Variants in PPP2R5E observed in about 807,000 individuals in gnomAD.
The protein encoded by PPP2R5E is protein phosphatase 2 regulatory subunit B'epsilon, also known as serine/threonine-protein phosphatase 2A 56 kDa regulatory subunit epsilon isoform.
A neutral mutation model predicts 65.3 loss-of-function variants in PPP2R5E; 4 were observed. The ratio of observed to expected loss-of-function variants is 0.06; its 90% CI spans 0.03 to 0.14. The LOEUF is 0.14. Among genes scored for constraint, PPP2R5E ranks in the 10% least tolerant of loss-of-function variants. The pLI, the probability that PPP2R5E is intolerant of heterozygous loss-of-function variation, is 1.00. For synonymous variants in PPP2R5E, 183 were observed against 187.4 expected, an observed-to-expected ratio of 0.98 and a Z score of 0.19; for missense variants, 274 against 556.1, an observed-to-expected ratio of 0.49 and a Z score of 5.10.
At chr14:63,468,622 T>C (rs7144120) in intron 2 of PPP2R5E, among the ~76,000 whole-genome samples, 45,653 of 152,086 alleles carry the variant, frequency 0.3, 8,559 homozygotes, top group African/African-American at 0.53. Context: ...AAAACAAGGA[T>C]ACCACTTGGG....
intron 2 of PPP2R5E, among the ~76,000 whole-genome samples, chr14:63,462,865 G>A (rs1464585845): frequency 6.6e-6 from 1 of 151,944 alleles, no homozygotes; most frequent in Non-Finnish European, 1.5e-5. Flanking sequence ...CACTTTGGGA[G>A]GCCGAGGTGG....
chr14:63,414,328 G>A (rs1886569000), intron 5 of PPP2R5E, among the ~76,000 whole-genome samples: 1 of 152,000 alleles, frequency 6.6e-6, no homozygotes, highest in African/African-American at 2.4e-5. Context: ...CTTTTGCCCA[G>A]GCTAGATCAA....
At chr14:63,402,072 G>T (rs886915370) in intron 5 of PPP2R5E, among the ~76,000 whole-genome samples, 3 of 145,800 alleles carry the variant, frequency 2.1e-5, no homozygotes, top group Admixed American at 1.3e-4. Context: ...CATCATACAC[G>T]TTAAGTAAAG....
chr14:63,416,458 T>C (rs894116502), intron 4 of PPP2R5E, among the ~76,000 whole-genome samples: 4 of 152,144 alleles, frequency 2.6e-5, no homozygotes, highest in Admixed American at 1.3e-4. Context: ...AATGTGAAAA[T>C]ACACACATAA....
At chr14:63,470,977 C>G (rs898722065) in intron 2 of PPP2R5E, among the ~76,000 whole-genome samples, 4 of 152,102 alleles carry the variant, frequency 2.6e-5, no homozygotes. Flanking sequence ...ATTTTTTACC[C>G]CACCCTGAAG....
At chr14:63,530,772 G>A (rs991146736) in intron 2 of PPP2R5E, among the ~76,000 whole-genome samples, 3 of 149,254 alleles carry the variant, frequency 2.0e-5, no homozygotes, top group Non-Finnish European at 4.4e-5. Flanking sequence ...GCATCACCAC[G>A]CCTGACTAAT....
At chr14:63,399,094 T>C (rs186481126) in intron 5 of PPP2R5E, among the ~76,000 whole-genome samples, 2 of 152,148 alleles carry the variant, frequency 1.3e-5, no homozygotes, top group Non-Finnish European at 2.9e-5. Flanking sequence ...ATATTCATAA[T>C]AGCTAAAAAC....
intron 3 of PPP2R5E, among the ~76,000 whole-genome samples, chr14:63,443,956 A>C (rs1888356233): frequency 6.6e-6 from 1 of 152,146 alleles, no homozygotes; most frequent in South Asian, 2.1e-4. Context: ...TCTCCAATAA[A>C]ACAGTCTCCT....
chr14:63,463,570 T>C (rs1057381612), intron 2 of PPP2R5E, among the ~76,000 whole-genome samples: 1 of 151,932 alleles, frequency 6.6e-6, no homozygotes, highest in Non-Finnish European at 1.5e-5. Flanking sequence ...TAATGCCTTA[T>C]TTTAACAACT....
Position 63,373,597 on chromosome 14 carries a change from C to T in PPP2R5E, c.*2412G>A, listed in dbSNP as rs1883813036. Reference sequence around the variant, plus strand: ...TTCTATAAATATGTCTAAAATGTGGCTTTATTCTTCTCAGTTTGGAATGAT... The same window carrying T: ...TTCTATAAATATGTCTAAAATGTGGTTTTATTCTTCTCAGTTTGGAATGAT... On this transcript the variant is annotated 3_prime_UTR_variant, in exon 14 of 14. Coordinates refer to ENST00000337537, the MANE Select transcript of PPP2R5E (RefSeq NM_006246.5). The T allele has an allele frequency of 6.6e-6, 1 of 152,156 alleles. No homozygotes were observed. The highest frequency in any genetic ancestry group is 2.1e-4 in the South Asian group (1 of 4,830). 9.4% of individuals were successfully genotyped at this position (152,156 alleles called of 1,614,324 possible). A position where few individuals can be genotyped will look rare whatever the true frequency, so the allele number is the denominator to read the frequency against.
intron 2 of PPP2R5E, among the ~76,000 whole-genome samples, chr14:63,520,617 T>C (rs1016766704): frequency 7.9e-5 from 12 of 152,102 alleles, no homozygotes; most frequent in African/African-American, 2.9e-4. Flanking sequence ...CATAGCCCAC[T>C]GTAACAATCA....
rs1449177574 is a variant in PPP2R5E, at chr14:63,375,046, A to C, written c.*963T>G. On this transcript the variant is annotated 3_prime_UTR_variant, in exon 14 of 14. Coordinates refer to ENST00000337537, the MANE Select transcript of PPP2R5E (RefSeq NM_006246.5). The stretch of plus-strand genomic sequence containing the variant: ...TATTAAAAAGTAAGGCAACAACTCC[A>C]AACAGTCCAAGCTGTTTGCTCAACT... The C allele has an allele frequency of 6.6e-6, 1 of 152,562 alleles. No homozygotes were observed. Among genetic ancestry groups the C allele is most frequent in the Non-Finnish European group, 1.5e-5 (1 of 67,992 alleles). 9.5% of individuals were successfully genotyped at this position (152,562 alleles called of 1,614,324 possible).
At chr14:63,521,955 C>T (rs1358485579) in intron 2 of PPP2R5E, among the ~76,000 whole-genome samples, 1 of 131,432 alleles carries the variant, frequency 7.6e-6, no homozygotes, top group Non-Finnish European at 1.6e-5. Flanking sequence ...CCCTCCCCCT[C>T]CCCCTCCCCC....
At chr14:63,503,437 C>T (rs118038191) in intron 2 of PPP2R5E, among the ~76,000 whole-genome samples, 1 of 152,278 alleles carries the variant, frequency 6.6e-6, no homozygotes, top group East Asian at 1.9e-4. Flanking sequence ...AGCATTTGAA[C>T]CACCTGGACT....
At chr14:63,470,462 TAA>T (rs768569021) in intron 2 of PPP2R5E, among the ~76,000 whole-genome samples, 5 of 135,904 alleles carry the variant, frequency 3.7e-5, no homozygotes, top group Non-Finnish European at 1.6e-5. Context: ...TCCATAAGTT[TAA>T]AAAAAAAAAA....
intron 2 of PPP2R5E, among the ~76,000 whole-genome samples, chr14:63,464,661 C>T (rs1480982091): frequency 1.3e-5 from 2 of 152,192 alleles, no homozygotes; most frequent in African/African-American, 4.8e-5. Flanking sequence ...CACACTTTTA[C>T]TGTTTACTGA....
chr14:63,495,872 G>A (rs908334591), intron 2 of PPP2R5E, among the ~76,000 whole-genome samples: 2 of 151,694 alleles, frequency 1.3e-5, no homozygotes, highest in Admixed American at 6.6e-5. Flanking sequence ...TTTGATTTTT[G>A]TAGAGACAAG....
intron 2 of PPP2R5E, among the ~76,000 whole-genome samples, chr14:63,501,497 C>T (rs902859740): frequency 2.0e-5 from 3 of 151,650 alleles, no homozygotes; most frequent in Non-Finnish European, 4.4e-5. Flanking sequence ...GAGATACATA[C>T]ATAAAGTAGA....
rs184432848 is a variant in PPP2R5E, at chr14:63,402,948, T to C, written c.550-6232A>G. ...AGATCCACACCAAAGCACATCACTT[T>C]CTGGATGTGGAGACAAAGAGAAGAT... On this transcript the variant is annotated intron_variant, in intron 5 of 13. Coordinates refer to ENST00000337537, the MANE Select transcript of PPP2R5E (RefSeq NM_006246.5). Among the ~76,000 whole-genome samples, 7 of 152,302 alleles carry C rather than the reference T, an allele frequency of 4.6e-5. No homozygotes were observed. The East Asian group carries it at 1.2e-3, about 25-fold the overall frequency.
Sources: gnomAD v4.1 joint callset for allele counts (sites outside exome capture counted in the v4.1 genomes callset) on GRCh38, gnomAD v4.1.1 for gene constraint, MANE v1.5 for transcripts, NCBI Gene and HGNC (gene_info 2026-07-23, HGNC 2026-07-21) for gene names.